Variants in SIRT6 observed in about 807,000 individuals in gnomAD.
SIRT6 encodes NAD-dependent protein deacylase sirtuin-6.
In SIRT6, 21 loss-of-function variants were observed where a neutral mutation model predicts 33.6. The ratio of observed to expected loss-of-function variants is 0.62; its 90% CI spans 0.44 to 0.90. SIRT6 has a LOEUF of 0.90. Ranked by LOEUF, SIRT6 falls within the 40% of genes least tolerant of loss-of-function variation. The pLI is 0.00. For synonymous variants in SIRT6, 221 were observed against 223.9 expected (o/e 0.99, Z 0.12); for missense variants, 504 against 510.6 (o/e 0.99, Z 0.12).
intron 4 of SIRT6, among the ~76,000 whole-genome samples, chr19:4,176,362 G>A (rs569060270): frequency 9.2e-5 from 14 of 152,304 alleles, no homozygotes; most frequent in Admixed American, 2.0e-4. Flanking sequence ...AGGCTGAGGC[G>A]GGCAGATCAC....
At chr19:4,179,492 C>G (rs1444971984) in intron 2 of SIRT6, 2 of 590,388 alleles carry the variant, frequency 3.4e-6, no homozygotes, top group African/African-American at 1.9e-5. Context: ...AAGACACAGA[C>G]AGAGAGATAA....
At chr19:4,180,355 A>T (rs998974980) in intron 2 of SIRT6, among the ~76,000 whole-genome samples, 3 of 151,800 alleles carry the variant, frequency 2.0e-5, no homozygotes, top group Non-Finnish European at 2.9e-5. Context: ...CAATGAGGTG[A>T]GTGGAATGCT....
intron 3 of SIRT6, among the ~76,000 whole-genome samples, chr19:4,178,316 T>A (rs1340423538): frequency 6.6e-6 from 1 of 151,710 alleles, no homozygotes. Context: ...TGAGCCACCA[T>A]GCCCGGCCCC....
intron 2 of SIRT6, among the ~76,000 whole-genome samples, chr19:4,180,334 C>T (rs1054838133): frequency 8.6e-5 from 13 of 151,842 alleles, no homozygotes; most frequent in African/African-American, 2.4e-4. Flanking sequence ...ATCAGGTGAC[C>T]GTGTTCTGGC....
rs1967488277 is a variant in SIRT6 at position 4,179,271 on chromosome 19, G to C, written c.210C>G (p.Val70=). Reference sequence around the variant, plus strand: ...CCAGACCTCGCTCCTCCATGGTCCAGACTCCGTGGGGACCCCTGAAGGTGG... The same window carrying C: ...CCAGACCTCGCTCCTCCATGGTCCACACTCCGTGGGGACCCCTGAAGGTGG... ...GIPDFRGPHG[V]WTMEERGLAP... Residue 70 remains valine, a synonymous_variant, in exon 3 of 8, where the codon GTC becomes GTG. Coordinates refer to ENST00000337491, the MANE Select transcript of SIRT6 (RefSeq NM_016539.4). 1 of 1,603,426 alleles carries C rather than the reference G, an allele frequency of 6.2e-7. No homozygotes were observed. The highest frequency in any genetic ancestry group is 8.5e-7 in the Non-Finnish European group (1 of 1,175,394).
Position 4,174,470 on chromosome 19 carries a change from A to G in SIRT6, c.*147T>C. 5 of 687,724 alleles carry G rather than the reference A, an allele frequency of 7.3e-6. No individual in the cohort carries two copies. Among genetic ancestry groups the G allele is most frequent in the Non-Finnish European group, 1.1e-5 (5 of 463,056 alleles). The allele number at this position is 687,724 out of a possible 1,614,324, so 42.6% of individuals were successfully genotyped here. A position where few individuals can be genotyped will look rare whatever the true frequency, so the allele number is the denominator to read the frequency against. On this transcript the variant is annotated 3_prime_UTR_variant, in exon 8 of 8. Transcript: ENST00000337491. The surrounding 1 kb of genome is among the most constrained non-coding windows in gnomAD (Gnocchi z 4.2). ...GGCCCCTGGAGCCCAGGGAGGGACCACGGAGGGCAGGTGTAACCCCTGGCC... is the reference window on the plus strand; with the variant it reads ...GGCCCCTGGAGCCCAGGGAGGGACCGCGGAGGGCAGGTGTAACCCCTGGCC...
intron 2 of SIRT6, chr19:4,179,640 G>A (rs557131740): frequency 7.2e-6 from 2 of 277,240 alleles, no homozygotes; most frequent in South Asian, 5.2e-5. Flanking sequence ...CAATGAGCCC[G>A]ACGATGCTCA....
intron 3 of SIRT6, among the ~76,000 whole-genome samples, chr19:4,177,883 C>A (rs564214965): frequency 2.0e-5 from 3 of 152,156 alleles, no homozygotes; most frequent in African/African-American, 7.2e-5. Context: ...AGCCACTGTA[C>A]CCAGCCTAAT....
rs750346270 is a variant in SIRT6, at chr19:4,174,975, G to C, written c.739-29C>G. 7.5e-6 allele frequency: 12 copies of C among 1,608,508 alleles called. No homozygotes were observed. Among genetic ancestry groups the C allele is most frequent in the Non-Finnish European group, 9.3e-6 (11 of 1,177,792 alleles). ...CCGAGGGGCGGGACGGGTCAGGCGT[G>C]GGGGACAGAGGGTGCATGGTGGCCC... On this transcript the variant is annotated intron_variant, in intron 7 of 7. Transcript: ENST00000337491. The surrounding 1 kb of genome is among the most constrained non-coding windows in gnomAD (Gnocchi z 4.2).
intron 1 of SIRT6, among the ~76,000 whole-genome samples, chr19:4,181,355 A>G (rs546797008): frequency 6.6e-6 from 1 of 152,364 alleles, no homozygotes; most frequent in Admixed American, 6.5e-5. Flanking sequence ...TCCCTTGGCC[A>G]ACTGGTTTCC....
chr19:4,175,099 C>A lies in SIRT6; in HGVS notation c.667G>T (p.Gly223Trp), dbSNP rs191314480. ...LGTSLQIRPS[G>W]NLPLATKRRG... ...CGCTTGGTAGCCAGCGGCAGGTTCC[C>A]GCTGGGCCGGATCTGCAGCGATGTA... is the stretch of plus-strand genomic sequence containing the variant. The change falls in exon 7 of 8, where the codon GGG becomes TGG. Residue 223 changes from glycine (G) to tryptophan (W), a missense_variant. By Grantham distance (184) the Gly-to-Trp change is radical (BLOSUM62 -2). Coordinates refer to ENST00000337491, the MANE Select transcript of SIRT6 (RefSeq NM_016539.4). 1.3e-6 allele frequency: 2 copies of A among 1,582,226 alleles called. No homozygotes were observed. The highest frequency in any genetic ancestry group is 4.7e-5 in the East Asian group (2 of 42,720).
intron 2 of SIRT6, 61 bp downstream of exon 2, chr19:4,180,721 G>A (rs1218323705): frequency 6.4e-6 from 10 of 1,551,564 alleles, no homozygotes; most frequent in Admixed American, 3.8e-5. Flanking sequence ...TGTGTGGCTC[G>A]CAGGGAAGCC....
At position 4,174,901 on chromosome 19, in the gene SIRT6, T is replaced by C. The variant is rs766675281; in HGVS notation, c.784A>G (p.Met262Val). The change falls in exon 8 of 8, where the codon ATG becomes GTG. Residue 262 changes from methionine (M) to valine (V), a missense_variant. Physicochemically the swap from Met to Val is conservative, Grantham distance 21. Coordinates refer to ENST00000337491, the MANE Select transcript of SIRT6 (RefSeq NM_016539.4). This position sits in a 1 kb window ranked among gnomAD's most constrained non-coding sequence, Gnocchi z 4.2. ...LRIHGYVDEV[M>V]TRLMKHLGLE... ...CCCAGGTGCTTCATGAGCCGGGTCA[T>C]GACCTCGTCAACGTAGCCATGGATG... 5.0e-6 allele frequency: 8 copies of C among 1,604,098 alleles called. No individual in the cohort carries two copies. The highest frequency in any genetic ancestry group is 6.8e-6 in the Non-Finnish European group (8 of 1,179,716).
intron 3 of SIRT6, among the ~76,000 whole-genome samples, chr19:4,178,625 A>G (rs1383150646): frequency 6.6e-6 from 1 of 151,988 alleles, no homozygotes; most frequent in East Asian, 1.9e-4. Context: ...TGAGGCGGGC[A>G]GATCACCTGA....
chr19:4,177,367 C>A (rs1329160218), intron 3 of SIRT6, among the ~76,000 whole-genome samples: 1 of 151,998 alleles, frequency 6.6e-6, no homozygotes, highest in African/African-American at 2.4e-5. Context: ...ATCATTAACC[C>A]CCAAGGCTGA....
At chr19:4,175,223 G>T in intron 6 of SIRT6, 72 bp from the exon 7 acceptor site, 1 of 1,520,386 alleles carries the variant, frequency 6.6e-7, no homozygotes. Flanking sequence ...CCTGGGGGCC[G>T]GTTCACACCT....
At chr19:4,180,651 AG>A (rs1403127951) in intron 2 of SIRT6, 130 bp downstream of exon 2, 19 of 1,225,056 alleles carry the variant, frequency 1.6e-5, no homozygotes, top group Non-Finnish European at 2.0e-5. Context: ...CACATCTTAA[AG>A]GGAGTACCCA....
chr19:4,176,961 A>G (rs2145165100), intron 4 of SIRT6, 118 bp downstream of exon 4: 2 of 570,984 alleles, frequency 3.5e-6, no homozygotes, highest in Non-Finnish European at 5.6e-6. Flanking sequence ...ACGCCCCCAG[A>G]TCCCCCCAGG....
At chr19:4,178,856 C>CA (rs765036492) in intron 3 of SIRT6, among the ~76,000 whole-genome samples, 1 of 152,094 alleles carries the variant, frequency 6.6e-6, no homozygotes, top group Non-Finnish European at 1.5e-5. Flanking sequence ...ACAACAACAA[C>CA]AAAAAACAAA....
Sources: allele counts gnomAD v4.1 joint callset (sites outside exome capture counted in the v4.1 genomes callset), GRCh38; gene constraint gnomAD v4.1.1; non-coding constraint Gnocchi (gnomAD v3.1); transcripts MANE v1.5; gene names NCBI Gene and HGNC (gene_info 2026-07-23, HGNC 2026-07-21).